CRB1: variants seen among roughly 807,000 people sequenced by gnomAD.
The protein encoded by CRB1 is protein crumbs homolog 1.
Under a neutral mutation model 120.0 loss-of-function variants are expected in CRB1, and 83 were observed. The observed-to-expected ratio is 0.69, with a 90% CI of 0.58 to 0.83. The LOEUF (loss-of-function observed/expected upper bound fraction) is 0.83. Ranked by LOEUF, CRB1 falls within the 40% of genes least tolerant of loss-of-function variation. The pLI is 0.00. For synonymous variants in CRB1, 625 were observed against 612.5 expected (o/e 1.02, Z -0.30); for missense variants, 1,699 against 1,687.6 (o/e 1.01, Z -0.12).
the CRB1 span, among the ~76,000 whole-genome samples, chr1:197,263,097 A>G: frequency 6.6e-6 from 1 of 152,206 alleles, no homozygotes; most frequent in African/African-American, 2.4e-5. Flanking sequence ...TCTTTGAGAA[A>G]TCTTCAAACT....
the CRB1 span, among the ~76,000 whole-genome samples, chr1:197,256,894 A>C: frequency 7.3e-5 from 11 of 150,360 alleles, no homozygotes; most frequent in Non-Finnish European, 1.2e-4. Flanking sequence ...TTAGTCCTAT[A>C]TTAGAATTCT....
chr1:197,300,770 G>A (rs929974388), intron 1 of CRB1, among the ~76,000 whole-genome samples: 1 of 152,168 alleles, frequency 6.6e-6, no homozygotes, highest in Non-Finnish European at 1.5e-5. Flanking sequence ...TTCATAGCTA[G>A]AAAGAAGTTG....
intron 2 of CRB1, among the ~76,000 whole-genome samples, chr1:197,340,684 T>G (rs1436654259): frequency 6.6e-6 from 1 of 152,086 alleles, no homozygotes; most frequent in African/African-American, 2.4e-5. Context: ...AATAAGATGA[T>G]AACTCCTAGA....
chr1:197,468,036 A>G (rs763625610), intron 11 of CRB1, among the ~76,000 whole-genome samples: 1 of 152,198 alleles, frequency 6.6e-6, no homozygotes, highest in Non-Finnish European at 1.5e-5. Flanking sequence ...GTGGCTCTGC[A>G]TAAGGAGTTA....
chr1:197,429,250 C>T (rs1664753410), intron 7 of CRB1, 199 bp from the exon 8 acceptor site: 2 of 1,376,870 alleles, frequency 1.5e-6, no homozygotes, highest in African/African-American at 1.4e-5. Flanking sequence ...TCTCTGCCAC[C>T]ACTCTGCCCT....
At position 197,331,855 on chromosome 1, in the gene CRB1, T is replaced by C. The variant is rs573847974; in HGVS notation, c.652+2852T>C. On this transcript the variant is annotated intron_variant, in intron 2 of 11. Coordinates refer to ENST00000367400, the MANE Select transcript of CRB1 (RefSeq NM_201253.3). ...TTAAATTGGATTTTAATGAATCCTT[T>C]CAGTCGTCTAAATTTAGGCATAAAA... Among the ~76,000 whole-genome samples, 44 of 152,288 alleles carry C rather than the reference T, an allele frequency of 2.9e-4. No individual in the cohort carries two copies. In the South Asian group the frequency reaches 6.4e-3, roughly 22 times the overall value.
At chr1:197,358,932 T>C (rs1660629425) in intron 5 of CRB1, among the ~76,000 whole-genome samples, 1 of 152,204 alleles carries the variant, frequency 6.6e-6, no homozygotes, top group African/African-American at 2.4e-5. Context: ...CTAGAACTGG[T>C]ACACTGGGGA....
At chr1:197,464,809 A>G (rs1383435646) in intron 11 of CRB1, among the ~76,000 whole-genome samples, 1 of 152,212 alleles carries the variant, frequency 6.6e-6, no homozygotes, top group Non-Finnish European at 1.5e-5. Flanking sequence ...AATCAAGCAC[A>G]TTAGCCAGGT....
At chr1:197,380,348 C>T (rs571800323) in intron 5 of CRB1, among the ~76,000 whole-genome samples, 1 of 152,280 alleles carries the variant, frequency 6.6e-6, no homozygotes, top group Admixed American at 6.5e-5. Context: ...CTCAAATGCC[C>T]TTGAAATTCT....
chr1:197,302,728 C>T (rs1656942147), intron 1 of CRB1, among the ~76,000 whole-genome samples: 1 of 152,088 alleles, frequency 6.6e-6, no homozygotes, highest in Admixed American at 6.6e-5. Flanking sequence ...GAATATAAGA[C>T]AAGATCTCAT....
chr1:197,211,853 A>G, the CRB1 span, among the ~76,000 whole-genome samples: 12 of 152,228 alleles, frequency 7.9e-5, no homozygotes, highest in East Asian at 7.7e-4. Flanking sequence ...AAAGCAGGCC[A>G]CACATTGGTG....
At chr1:197,210,525 C>T in the CRB1 span, among the ~76,000 whole-genome samples, 1 of 152,042 alleles carries the variant, frequency 6.6e-6, no homozygotes, top group Non-Finnish European at 1.5e-5. Context: ...ATCTGTGGAC[C>T]TGTCCCACAG....
At chr1:197,448,309 T>G (rs981214025) in intron 11 of CRB1, among the ~76,000 whole-genome samples, 1 of 152,184 alleles carries the variant, frequency 6.6e-6, no homozygotes, top group African/African-American at 2.4e-5. Context: ...CTTTGTGTGC[T>G]GAGTTGCGTA....
At chr1:197,203,323 T>G in the CRB1 span, among the ~76,000 whole-genome samples, 1 of 151,522 alleles carries the variant, frequency 6.6e-6, no homozygotes. Context: ...ATTACTTGAC[T>G]TTTTTTTTCT....
chr1:197,460,238 T>C (rs1404003440), intron 11 of CRB1, among the ~76,000 whole-genome samples: 1 of 151,990 alleles, frequency 6.6e-6, no homozygotes, highest in Non-Finnish European at 1.5e-5. Flanking sequence ...TAGACTGATG[T>C]TATTACTCAC....
At position 197,413,813 on chromosome 1, in the gene CRB1, C is replaced by G. The variant is rs1224265779; in HGVS notation, c.1172-7187C>G. 11 of 413,172 alleles carry G rather than the reference C, an allele frequency of 2.7e-5. 2 individuals carry two copies. Among genetic ancestry groups the G allele is most frequent in the South Asian group, 1.6e-4 (9 of 56,264 alleles). 25.6% of individuals were successfully genotyped at this position (413,172 alleles called of 1,614,324 possible). ...GAGGGAAATGAGTCAAAACCAAGTC[C>G]CCATACTCTCTACCTGCGAGAAAGA... On this transcript the variant is annotated intron_variant, in intron 5 of 11. Coordinates refer to ENST00000367400, the MANE Select transcript of CRB1 (RefSeq NM_201253.3).
rs752559648 is a variant in CRB1, at chr1:197,328,758, G to A, written c.407G>A (p.Cys136Tyr). 1.2e-6 allele frequency: 2 copies of A among 1,611,830 alleles called. No individual in the cohort carries two copies. The highest frequency in any genetic ancestry group is 1.7e-6 in the Non-Finnish European group (2 of 1,178,336). ...HQDPIYPVCI[C>Y]PAGYAGRFCE... ...GACCCTATTTATCCTGTCTGCATCT[G>A]CCCTGCTGGATATGCTGGAAGATTC... is the stretch of plus-strand genomic sequence containing the variant. The change falls in exon 2 of 12, where the codon TGC becomes TAC. Residue 136 changes from cysteine to tyrosine, a missense_variant. Cys to Tyr is a radical substitution (Grantham distance 194). Coordinates refer to ENST00000367400, the MANE Select transcript of CRB1 (RefSeq NM_201253.3).
intron 11 of CRB1, among the ~76,000 whole-genome samples, chr1:197,458,185 G>C (rs1041931673): frequency 4.6e-5 from 7 of 152,094 alleles, no homozygotes; most frequent in Admixed American, 2.0e-4. Context: ...TAAGCAATGA[G>C]AGCAGAAATA....
the CRB1 span, among the ~76,000 whole-genome samples, chr1:197,221,028 A>G: frequency 1.3e-5 from 2 of 152,200 alleles, no homozygotes; most frequent in Admixed American, 1.3e-4. Flanking sequence ...AGAGATCTAC[A>G]TGTCTTCTAA....
Sources: allele counts gnomAD v4.1 joint callset (sites outside exome capture counted in the v4.1 genomes callset), GRCh38; gene constraint gnomAD v4.1.1; transcripts MANE v1.5; gene names NCBI Gene and HGNC (gene_info 2026-07-23, HGNC 2026-07-21).